Variants in CACNA1C observed in about 807,000 individuals in gnomAD.
The protein encoded by CACNA1C is voltage-dependent L-type calcium channel subunit alpha-1C.
In CACNA1C, 30 loss-of-function variants were observed where a neutral mutation model predicts 229.0. That is an observed-to-expected ratio of 0.13 (90% confidence interval 0.10 to 0.18). CACNA1C has a LOEUF of 0.18. Among genes scored for constraint, CACNA1C ranks in the 10% least tolerant of loss-of-function variants. CACNA1C has a pLI of 1.00. For synonymous variants in CACNA1C, 1,114 were observed against 1,132.5 expected, an observed-to-expected ratio of 0.98 and a Z score of 0.33; for missense variants, 1,658 against 2,845.0, an observed-to-expected ratio of 0.58 and a Z score of 9.49.
intron 6 of CACNA1C, among the ~76,000 whole-genome samples, chr12:2,490,576 CATAATTA>C (rs2099719476): frequency 6.6e-6 from 1 of 152,214 alleles, no homozygotes; most frequent in Non-Finnish European, 1.5e-5. Flanking sequence ...GACAACCCAA[CATAATTA>C]ATGATCTAAT....
intron 28 of CACNA1C, among the ~76,000 whole-genome samples, 192 bp downstream of exon 28, chr12:2,610,891 C>T (rs1568780722): frequency 6.6e-6 from 1 of 152,202 alleles, no homozygotes; most frequent in East Asian, 1.9e-4. Flanking sequence ...CCATGGCACC[C>T]TGGGTTGATC....
At position 2,155,180 on chromosome 12, in the gene CACNA1C, G is replaced by A. The variant is rs148904267; in HGVS notation, c.477+34750G>A. On this transcript the variant is annotated intron_variant, in intron 3 of 46. Transcript: ENST00000399655. Reference sequence around the variant, plus strand: ...TGGTGTGTCATGGGCGTTGTTTTGCGTGGAGAACGTGGAGCGTGAAGACAC... The same window carrying A: ...TGGTGTGTCATGGGCGTTGTTTTGCATGGAGAACGTGGAGCGTGAAGACAC... Among the ~76,000 whole-genome samples, 44 of 152,302 alleles carry A rather than the reference G, an allele frequency of 2.9e-4. No homozygotes were observed. In the South Asian group the frequency reaches 6.0e-3, roughly 21 times the overall value.
chr12:2,375,228 G>A (rs1427077137), intron 3 of CACNA1C, among the ~76,000 whole-genome samples: 2 of 152,200 alleles, frequency 1.3e-5, no homozygotes, highest in African/African-American at 4.8e-5. Context: ...GGATGGTTGA[G>A]ACTCTGCAGA....
At chr12:2,521,502 C>T (rs1033874356) in intron 9 of CACNA1C, among the ~76,000 whole-genome samples, 2 of 152,282 alleles carry the variant, frequency 1.3e-5, no homozygotes, top group Non-Finnish European at 2.9e-5. Context: ...CTCTTCCTCT[C>T]CAGGGCCTGG....
chr12:2,161,463 G>T (rs527757891), intron 3 of CACNA1C, among the ~76,000 whole-genome samples: 2 of 152,294 alleles, frequency 1.3e-5, no homozygotes, highest in East Asian at 3.9e-4. Flanking sequence ...TGGAGGTGCC[G>T]GTGTGGCTGT....
chr12:2,655,363 GCT>G (rs1284948885), intron 34 of CACNA1C, 125 bp downstream of exon 34: 2 of 606,780 alleles, frequency 3.3e-6, no homozygotes, highest in Non-Finnish European at 5.8e-6. Flanking sequence ...TGTGTTGCTT[GCT>G]CTCTGCCTGA....
In CACNA1C at chr12:2,629,278, T is replaced by C. The variant is rs1170668035; in HGVS notation, c.3829-5019T>C. ...GTTCCTCCAGTTGGCAGGAGGCCCA[T>C]GATTTCTTACATAGGTAGTCATCCC... On this transcript the variant is annotated intron_variant, in intron 29 of 46. Coordinates refer to ENST00000399655, the MANE Select transcript of CACNA1C (RefSeq NM_000719.7). Among the ~76,000 whole-genome samples, 4 of 144,744 alleles carry C rather than the reference T, an allele frequency of 2.8e-5. No homozygotes were observed. The Admixed American group carries it at 2.8e-4, about 10-fold the overall frequency. The allele number at this position is 144,744 out of a possible 152,430, so 95.0% of individuals were successfully genotyped here.
chr12:2,264,690 CTT>C (rs1337352895), intron 3 of CACNA1C, among the ~76,000 whole-genome samples: 1 of 152,220 alleles, frequency 6.6e-6, no homozygotes, highest in East Asian at 1.9e-4. Context: ...CCAGCCAGCC[CTT>C]TTGGCAATCC....
At position 2,506,800 on chromosome 12, in the gene CACNA1C, AAGAATGTAACTC is replaced by A. The variant is rs561692110; in HGVS notation, c.1217+1856_1217+1867del. Among the ~76,000 whole-genome samples, 391 of 152,174 alleles carry A rather than the reference AAGAATGTAACTC, an allele frequency of 2.6e-3. 1 individual carries two copies. The highest frequency in any genetic ancestry group is 3.6e-3 in the Non-Finnish European group (248 of 68,026). ...ACAAGCCACAGCTCAAGACTTTTAA[AAGAATGTAACTC>A]CACTTTCTTCCCCTGGAGACTGGGA... On this transcript the variant is annotated intron_variant, in intron 8 of 46. Coordinates refer to ENST00000399655, the MANE Select transcript of CACNA1C (RefSeq NM_000719.7).
At chr12:2,358,883 A>G (rs985442226) in intron 3 of CACNA1C, among the ~76,000 whole-genome samples, 3 of 150,232 alleles carry the variant, frequency 2.0e-5, no homozygotes, top group Admixed American at 6.6e-5. Flanking sequence ...TTCTTACTCC[A>G]TTTCTGTGCC....
chr12:2,073,240 G>T (rs1383305757), intron 1 of CACNA1C, among the ~76,000 whole-genome samples: 1 of 152,204 alleles, frequency 6.6e-6, no homozygotes, highest in Non-Finnish European at 1.5e-5. Flanking sequence ...GTATAAGGGG[G>T]TCAAATACAG....
At position 2,500,173 on chromosome 12, in the gene CACNA1C, A is replaced by G. The variant is rs1029958729; in HGVS notation, c.1114-4669A>G. 5.9e-5 allele frequency among the ~76,000 whole-genome samples: 9 copies of G among 152,196 alleles called. No homozygotes were observed. The South Asian group carries it at 1.5e-3, about 25-fold the overall frequency. On this transcript the variant is annotated intron_variant, in intron 7 of 46. Transcript: ENST00000399655. The stretch of plus-strand genomic sequence containing the variant: ...CTGCTGTTCCCCATCTCGAACCTCT[A>G]AAAAACCAGCCCACAGCCCAGGGGG...
chr12:2,694,761 A>T lies in CACNA1C; in HGVS notation c.*3562A>T, dbSNP rs1215379021. 6.6e-6 allele frequency: 1 copy of T among 152,238 alleles called. No individual in the cohort carries two copies. Among genetic ancestry groups the T allele is most frequent in the African/African-American group, 2.4e-5 (1 of 41,454 alleles). 9.4% of individuals were successfully genotyped at this position (152,238 alleles called of 1,614,324 possible). A position where few individuals can be genotyped will look rare whatever the true frequency, so the allele number is the denominator to read the frequency against. ...AGCAGACCTTTCCATGCCCAAGTTC[A>T]TCTCCTGAGCAACAGTGACACCTAG... On this transcript the variant is annotated 3_prime_UTR_variant, in exon 47 of 47. Transcript: ENST00000399655.
At chr12:2,176,910 G>A (rs1347257828) in intron 3 of CACNA1C, among the ~76,000 whole-genome samples, 36 of 152,194 alleles carry the variant, frequency 2.4e-4, no homozygotes, top group Admixed American at 2.4e-3. Context: ...GGCTAGCAAG[G>A]CACATTCAGG....
chr12:2,594,776 C>T (rs770187641), intron 19 of CACNA1C, among the ~76,000 whole-genome samples: 8 of 152,222 alleles, frequency 5.3e-5, no homozygotes, highest in Admixed American at 6.5e-5. Flanking sequence ...AACACTTCCT[C>T]TTCATTTGTG....
chr12:2,429,955 TA>T (rs1483810266), intron 3 of CACNA1C, among the ~76,000 whole-genome samples: 1 of 152,206 alleles, frequency 6.6e-6, no homozygotes, highest in Non-Finnish European at 1.5e-5. Flanking sequence ...CAAAATACTG[TA>T]AACTGGGGTA....
chr12:2,409,935 AGGAAGGGAGAGCACAAGGGAGAACTAGT>A (rs1158653258), intron 3 of CACNA1C, among the ~76,000 whole-genome samples: 2 of 152,172 alleles, frequency 1.3e-5, no homozygotes, highest in African/African-American at 4.8e-5. Flanking sequence ...GGGGCAGGAG[AGGAAGGGAGAGCACAAGGGAGAACTAGT>A]GGAAGGGAGA....
intron 3 of CACNA1C, among the ~76,000 whole-genome samples, chr12:2,271,782 G>A (rs1273189372): frequency 2.0e-5 from 3 of 152,058 alleles, no homozygotes; most frequent in Non-Finnish European, 4.4e-5. Context: ...TGTAGTCCCA[G>A]CTACTTGGGA....
chr12:2,354,934 G>C lies in CACNA1C; in HGVS notation c.478-94042G>C, dbSNP rs901488432. On this transcript the variant is annotated intron_variant, in intron 3 of 46. Transcript: ENST00000399655. The surrounding 1 kb of genome is among the most constrained non-coding windows in gnomAD (Gnocchi z 4.6). The stretch of plus-strand genomic sequence containing the variant: ...ACCCAGGTGTGCACTTGGGCAGGCT[G>C]AGCGACCTGAGTGAAATGAAGCCAA... Among the ~76,000 whole-genome samples the C allele has an allele frequency of 1.3e-5, 2 of 152,072 alleles. No homozygotes were observed. Among genetic ancestry groups the C allele is most frequent in the African/African-American group, 4.8e-5 (2 of 41,404 alleles).
Sources: gnomAD v4.1 joint callset for allele counts (sites outside exome capture counted in the v4.1 genomes callset) on GRCh38, gnomAD v4.1.1 for gene constraint, Gnocchi (gnomAD v3.1) non-coding constraint, MANE v1.5 for transcripts, NCBI Gene and HGNC (gene_info 2026-07-23, HGNC 2026-07-21) for gene names.